Variants in TRPC4 observed in about 807,000 individuals in gnomAD.
The protein encoded by TRPC4 is transient receptor potential cation channel subfamily C member 4.
TRPC4 carries 49 observed loss-of-function variants against 99.4 expected under a neutral mutation model. The ratio of observed to expected loss-of-function variants is 0.49; its 90% CI spans 0.39 to 0.63. The LOEUF (loss-of-function observed/expected upper bound fraction) is 0.63, where lower values mean the gene tolerates loss of function less well. Among genes scored for constraint, TRPC4 ranks in the 20% least tolerant of loss-of-function variants. The pLI is 0.00. For missense variants in TRPC4, 898 were observed against 1,152.9 expected (o/e 0.78, Z 3.20); for synonymous variants, 454 against 425.9 (o/e 1.07, Z -0.81).
chr13:37,641,725 T>C (rs1256995899), intron 8 of TRPC4, among the ~76,000 whole-genome samples: 1 of 152,068 alleles, frequency 6.6e-6, no homozygotes, highest in African/African-American at 2.4e-5. Context: ...TACACCTGGG[T>C]TTGAAGCTGA....
rs148324684 is a variant in TRPC4 at position 37,698,228 on chromosome 13, T to A, written c.898-5893A>T. 3.7e-3 allele frequency among the ~76,000 whole-genome samples: 502 copies of A among 135,632 alleles called. 7 individuals are homozygous for A. Among genetic ancestry groups the A allele is most frequent in the African/African-American group, 0.013 (477 of 36,304 alleles). 89.0% of individuals were successfully genotyped at this position (135,632 alleles called of 152,430 possible). The stretch of plus-strand genomic sequence containing the variant: ...CAGGCTGGAGTGCAGCAGCGCAATC[T>A]CAGCTCATTGCAAGCTCTGCCTCCC... On this transcript the variant is annotated intron_variant, in intron 3 of 10. Transcript: ENST00000379705.
chr13:37,782,493 G>A (rs1449024653), intron 2 of TRPC4, among the ~76,000 whole-genome samples: 1 of 152,024 alleles, frequency 6.6e-6, no homozygotes, highest in East Asian at 1.9e-4. Flanking sequence ...ATTAGATGGT[G>A]CAACTCACTT....
At chr13:37,698,201 C>T (rs937561860) in intron 3 of TRPC4, among the ~76,000 whole-genome samples, 10 of 24,258 alleles carry the variant, frequency 4.1e-4, no homozygotes, top group Admixed American at 6.9e-4. Flanking sequence ...CACTCTGTTG[C>T]CCAGGCTGGA....
intron 3 of TRPC4, among the ~76,000 whole-genome samples, chr13:37,733,826 G>A (rs934523398): frequency 1.3e-5 from 2 of 152,062 alleles, no homozygotes; most frequent in Admixed American, 6.6e-5. Context: ...GGTGGAGGAC[G>A]ATAGACAATA....
At chr13:37,740,512 C>T (rs956130755) in intron 3 of TRPC4, among the ~76,000 whole-genome samples, 3 of 152,084 alleles carry the variant, frequency 2.0e-5, no homozygotes, top group Non-Finnish European at 2.9e-5. Context: ...GGGTTCTAGG[C>T]AGTTTTAAGA....
At chr13:37,752,292 T>A (rs1250057032) in intron 2 of TRPC4, among the ~76,000 whole-genome samples, 2 of 151,782 alleles carry the variant, frequency 1.3e-5, no homozygotes, top group East Asian at 3.9e-4. Context: ...ACTGTTCTTT[T>A]GGAAGCGTTA....
At chr13:37,742,105 T>A (rs528813861) in intron 3 of TRPC4, among the ~76,000 whole-genome samples, 67 of 152,278 alleles carry the variant, frequency 4.4e-4, no homozygotes, top group African/African-American at 1.6e-3. Flanking sequence ...ATCATTAGCC[T>A]AGAATTAATA....
Position 37,639,267 on chromosome 13 carries a change from G to A in TRPC4, c.2112C>T (p.His704=), listed in dbSNP as rs958911690. The A allele has an allele frequency of 3.7e-6, 6 of 1,613,470 alleles. No individual in the cohort carries two copies. The highest frequency in any genetic ancestry group is 5.1e-6 in the Non-Finnish European group (6 of 1,179,662). The part of the protein sequence containing the change: ...RRAADNLRRH[H]QYQEVMRNLV... ...TACAAGGACAACTTACTTGGTATTG[G>A]TGATGTCTTCTCAAGTTATCAGCAG... Residue 704 remains histidine, a synonymous_variant, in exon 9 of 11, where the codon CAC becomes CAT. Coordinates refer to ENST00000379705, the MANE Select transcript of TRPC4 (RefSeq NM_016179.4).
At chr13:37,643,753 T>C (rs1223783383) in intron 8 of TRPC4, among the ~76,000 whole-genome samples, 2 of 152,162 alleles carry the variant, frequency 1.3e-5, no homozygotes, top group African/African-American at 4.8e-5. Flanking sequence ...CACCTGGGGA[T>C]TTTGACTAGT....
At chr13:37,680,579 A>G (rs1345617260) in intron 4 of TRPC4, among the ~76,000 whole-genome samples, 2 of 152,144 alleles carry the variant, frequency 1.3e-5, no homozygotes, top group African/African-American at 4.8e-5. Flanking sequence ...GAGATGAAAA[A>G]CTGCCCTGTA....
intron 3 of TRPC4, among the ~76,000 whole-genome samples, chr13:37,720,474 CT>C (rs560145914): frequency 6.6e-6 from 1 of 151,900 alleles, no homozygotes; most frequent in Non-Finnish European, 1.5e-5. Context: ...TATTATTTTG[CT>C]TTTTCCTAGA....
At chr13:37,689,504 G>C (rs553430439) in intron 4 of TRPC4, among the ~76,000 whole-genome samples, 1 of 152,160 alleles carries the variant, frequency 6.6e-6, no homozygotes, top group African/African-American at 2.4e-5. Flanking sequence ...TCATTTGCAC[G>C]CATTTTTTAA....
chr13:37,788,227 C>G (rs1209188766), intron 1 of TRPC4, among the ~76,000 whole-genome samples: 1 of 152,088 alleles, frequency 6.6e-6, no homozygotes, highest in Admixed American at 6.6e-5. Flanking sequence ...CCAACCTTCA[C>G]TCTCTTTCAT....
intron 1 of TRPC4, among the ~76,000 whole-genome samples, chr13:37,848,245 A>G (rs1342516467): frequency 6.6e-6 from 1 of 152,200 alleles, no homozygotes; most frequent in Non-Finnish European, 1.5e-5. Flanking sequence ...CATTGTATAC[A>G]TATATCAAGA....
chr13:37,786,322 ACACACACACACG>A (rs1324855589), intron 1 of TRPC4, among the ~76,000 whole-genome samples: 1 of 132,228 alleles, frequency 7.6e-6, no homozygotes, highest in Admixed American at 8.4e-5. Context: ...ACACACACAC[ACACACACACACG>A]TAGAGAAGAA....
intron 2 of TRPC4, among the ~76,000 whole-genome samples, chr13:37,764,436 A>G: frequency 6.6e-6 from 1 of 151,332 alleles, no homozygotes; most frequent in South Asian, 2.1e-4. Flanking sequence ...TTAATATTTT[A>G]TGTTATGACT....
chr13:37,746,424 G>C lies in TRPC4; in HGVS notation c.410C>G (p.Ser137Cys). ...VPPILLDKQF[S>C]EFTPDITPII... ...TGGTGTAATGTCTGGAGTGAATTCA[G>C]AGAACTGCTTATCAAGGAGTATAGG... The change falls in exon 3 of 11, where the codon TCT becomes TGT. Residue 137 changes from serine (S) to cysteine (C), a missense_variant. Ser to Cys is a moderately radical substitution (Grantham distance 112). Coordinates refer to ENST00000379705, the MANE Select transcript of TRPC4 (RefSeq NM_016179.4). 1 of 1,610,202 alleles carries C rather than the reference G, an allele frequency of 6.2e-7. No individual in the cohort carries two copies. The highest frequency in any genetic ancestry group is 2.2e-5 in the East Asian group (1 of 44,648).
At chr13:37,752,795 AC>A (rs1433730244) in intron 2 of TRPC4, among the ~76,000 whole-genome samples, 3 of 152,012 alleles carry the variant, frequency 2.0e-5, no homozygotes, top group African/African-American at 4.8e-5. Context: ...GCTCAAACAA[AC>A]AAAAAAAATA....
intron 1 of TRPC4, among the ~76,000 whole-genome samples, chr13:37,861,200 T>C (rs1311005963): frequency 6.6e-6 from 1 of 151,536 alleles, no homozygotes. Flanking sequence ...AATTGATCAT[T>C]GCAAGTGTTC....
Sources: allele counts gnomAD v4.1 joint callset (sites outside exome capture counted in the v4.1 genomes callset), GRCh38; gene constraint gnomAD v4.1.1; transcripts MANE v1.5; gene names NCBI Gene and HGNC (gene_info 2026-07-23, HGNC 2026-07-21).